TBC1D30: variants seen among roughly 807,000 people sequenced by gnomAD.
TBC1D30 encodes TBC1 domain family, member 30.
TBC1D30 carries 31 observed loss-of-function variants against 63.2 expected under a neutral mutation model. The ratio of observed to expected loss-of-function variants is 0.49; its 90% CI spans 0.37 to 0.66. The LOEUF is 0.66. Ranked by LOEUF, TBC1D30 falls within the 30% of genes least tolerant of loss-of-function variation. The pLI, the probability that TBC1D30 is intolerant of heterozygous loss-of-function variation, is 0.00. For missense variants in TBC1D30, 810 were observed against 953.6 expected, an observed-to-expected ratio of 0.85 and a Z score of 1.98; for synonymous variants, 307 against 361.5, an observed-to-expected ratio of 0.85 and a Z score of 1.71.
At chr12:64,865,465 T>C (rs1013334342) in intron 9 of TBC1D30, among the ~76,000 whole-genome samples, 2 of 151,976 alleles carry the variant, frequency 1.3e-5, no homozygotes, top group African/African-American at 4.8e-5. Flanking sequence ...CCTCTATAAG[T>C]AGACTCAAAA....
In TBC1D30 at chr12:64,875,502, C is replaced by A; in HGVS notation, c.2000C>A (p.Ala667Glu). Reference sequence around the variant, plus strand: ...CTGGAACTGAACCAGAGGGATGCTGCAGCTGAAACTGAGCTCAGGGTGCAC... The same window carrying A: ...CTGGAACTGAACCAGAGGGATGCTGAAGCTGAAACTGAGCTCAGGGTGCAC... ...GALELNQRDA[A>E]AETELRVHPP... Residue 667 changes from alanine (A) to glutamate (E), a missense_variant, in exon 12 of 12, where the codon GCA becomes GAA. Ala to Glu is a moderately radical substitution (Grantham distance 107). Around this residue, in one of 4 missense-constraint regions of TBC1D30, gnomAD observed 450 missense variants for 473.0 expected, o/e 0.95. Transcript: ENST00000539867. 1 of 1,536,160 alleles carries A rather than the reference C, an allele frequency of 6.5e-7. No individual in the cohort carries two copies. The highest frequency in any genetic ancestry group is 1.2e-5 in the South Asian group (1 of 84,062).
chr12:64,800,726 G>GT (rs1362377782), intron 2 of TBC1D30, among the ~76,000 whole-genome samples: 1 of 152,160 alleles, frequency 6.6e-6, no homozygotes, highest in Non-Finnish European at 1.5e-5. Flanking sequence ...GGAAGATGCT[G>GT]TGGGAGGCTA....
At chr12:64,805,415 G>T (rs1872803826) in intron 2 of TBC1D30, among the ~76,000 whole-genome samples, 1 of 152,208 alleles carries the variant, frequency 6.6e-6, no homozygotes. Flanking sequence ...TTTGTGAACA[G>T]TATTGGGCTG....
At position 64,875,163 on chromosome 12, in the gene TBC1D30, A is replaced by T; in HGVS notation, c.1661A>T (p.Tyr554Phe). ...HTGGKISPVPYEDLKTKLNSP... is the reference protein window; with the variant it reads ...HTGGKISPVPFEDLKTKLNSP... Reference sequence around the variant, plus strand: ...GGAGGGAAAATATCTCCTGTCCCCTACGAAGACCTTAAGACGAAGCTCAAC... The same window carrying T: ...GGAGGGAAAATATCTCCTGTCCCCTTCGAAGACCTTAAGACGAAGCTCAAC... Residue 554 changes from tyrosine to phenylalanine, a missense_variant, in exon 12 of 12, where the codon TAC (tyrosine) becomes TTC (phenylalanine). This residue lies in a region of TBC1D30 where 450 missense variants were observed against 473.0 expected (regional missense o/e 0.95). Coordinates refer to ENST00000539867, the MANE Select transcript of TBC1D30 (RefSeq NM_015279.2). 6.5e-7 allele frequency: 1 copy of T among 1,536,388 alleles called. No homozygotes were observed. Among genetic ancestry groups the T allele is most frequent in the Non-Finnish European group, 8.7e-7 (1 of 1,146,928 alleles).
chr12:64,788,414 T>C (rs553663667), intron 2 of TBC1D30, among the ~76,000 whole-genome samples: 1 of 152,298 alleles, frequency 6.6e-6, no homozygotes, highest in South Asian at 2.1e-4. Flanking sequence ...TACCAGCAGC[T>C]GAAAGCACAG....
rs542361292 is a variant in TBC1D30, at chr12:64,760,736, TA to T, written c.-376+1098del. ...AAAACTATTCCAGAACTTAAAGTAT[TA>T]AAAAAAAAAACTCGTGAAAACACTA... On this transcript the variant is annotated intron_variant, in intron 1 of 13. Transcript: ENST00000674237. Among the ~76,000 whole-genome samples, 610 of 139,158 alleles carry T rather than the reference TA, an allele frequency of 4.4e-3. 4 individuals are homozygous for T. The highest frequency in any genetic ancestry group is 0.015 in the African/African-American group (579 of 38,664). The allele number at this position is 139,158 out of a possible 152,430, so 91.3% of individuals were successfully genotyped here. A position where few individuals can be genotyped will look rare whatever the true frequency, so the allele number is the denominator to read the frequency against.
At chr12:64,764,184 A>G (rs1870622706) in intron 1 of TBC1D30, among the ~76,000 whole-genome samples, 1 of 152,206 alleles carries the variant, frequency 6.6e-6, no homozygotes, top group East Asian at 1.9e-4. Context: ...AATAGAATAC[A>G]TAATAGTATT....
At chr12:64,804,532 A>G (rs1872754726) in intron 2 of TBC1D30, among the ~76,000 whole-genome samples, 1 of 152,156 alleles carries the variant, frequency 6.6e-6, no homozygotes, top group Non-Finnish European at 1.5e-5. Flanking sequence ...TATGTTGAAT[A>G]GGAGTGGTGA....
At chr12:64,775,518 T>C (rs182288421), upstream of TBC1D30, among the ~76,000 whole-genome samples, 28 of 151,962 alleles carry the variant, frequency 1.8e-4, no homozygotes, top group Non-Finnish European at 5.9e-5. Context: ...CCAACAAAGA[T>C]AAAAAAAGAC....
chr12:64,821,224 A>G (rs1400462634), upstream of TBC1D30, among the ~76,000 whole-genome samples: 1 of 152,234 alleles, frequency 6.6e-6, no homozygotes, highest in East Asian at 1.9e-4. Context: ...ATTGACTGCT[A>G]TTAACTGGTC....
intron 1 of TBC1D30, among the ~76,000 whole-genome samples, chr12:64,785,513 G>T (rs1871519076): frequency 6.6e-6 from 1 of 151,418 alleles, no homozygotes; most frequent in African/African-American, 2.4e-5. Context: ...GACTAAAAAA[G>T]ATTCTTTTCT....
intron 3 of TBC1D30, 150 bp from the exon 4 acceptor site, chr12:64,830,227 T>G: frequency 2.7e-5 from 18 of 675,150 alleles, no homozygotes; most frequent in African/African-American, 3.6e-5. Flanking sequence ...AACATTTCAG[T>G]GAGACTCTTG....
intron 5 of TBC1D30, among the ~76,000 whole-genome samples, chr12:64,834,707 C>CTTTTT (rs11374555): frequency 7.9e-4 from 60 of 76,334 alleles, no homozygotes; most frequent in Non-Finnish European, 9.2e-4. Context: ...CCGTGCCGGG[C>CTTTTT]TTTTTTTTTT....
intron 6 of TBC1D30, among the ~76,000 whole-genome samples, chr12:64,838,167 A>G (rs1429598017): frequency 2.0e-5 from 3 of 152,130 alleles, no homozygotes; most frequent in South Asian, 2.1e-4. Context: ...TTTATTCTCT[A>G]TTTTGGGATT....
At chr12:64,834,307 T>A (rs1279783073) in intron 5 of TBC1D30, among the ~76,000 whole-genome samples, 1 of 152,186 alleles carries the variant, frequency 6.6e-6, no homozygotes, top group Non-Finnish European at 1.5e-5. Context: ...AGGTGAACCA[T>A]TTTTCCTGCT....
chr12:64,875,493 G>C lies in TBC1D30; in HGVS notation c.1991G>C (p.Arg664Thr), dbSNP rs1878991392. 5 of 1,536,086 alleles carry C rather than the reference G, an allele frequency of 3.3e-6. No individual in the cohort carries two copies. The highest frequency in any genetic ancestry group is 4.4e-6 in the Non-Finnish European group (5 of 1,146,948). The change falls in exon 12 of 12, where the codon AGG becomes ACG. Residue 664 changes from arginine to threonine, a missense_variant. This residue lies in a region of TBC1D30 where 450 missense variants were observed against 473.0 expected (regional missense o/e 0.95). Transcript: ENST00000539867. ...TTGGGAGCCCTGGAACTGAACCAGA[G>C]GGATGCTGCAGCTGAAACTGAGCTC... Reference protein sequence around the residue: ...AKLGALELNQRDAAAETELRV... With the variant: ...AKLGALELNQTDAAAETELRV...
chr12:64,774,359 A>C (rs1054916739), intron 1 of TBC1D30, among the ~76,000 whole-genome samples: 5 of 152,226 alleles, frequency 3.3e-5, no homozygotes, highest in Non-Finnish European at 5.9e-5. Flanking sequence ...CCAATTTGGA[A>C]AACACATTTC....
chr12:64,881,023 T>TA lies in TBC1D30; in HGVS notation c.*5244dup, dbSNP rs201938460. The TA allele has an allele frequency of 2.6e-3, 387 of 150,766 alleles. 4 individuals carry two copies. The highest frequency in any genetic ancestry group is 0.017 in the East Asian group (88 of 5,154). 9.3% of individuals were successfully genotyped at this position (150,766 alleles called of 1,614,324 possible). ...TTAAAACATGAAACAAAGCAAAAAA[T>TA]AAAAAAAAACCTCCTTAGTAATTGT... is the stretch of plus-strand genomic sequence containing the variant. On this transcript the variant is annotated 3_prime_UTR_variant, in exon 12 of 12. Coordinates refer to ENST00000539867, the MANE Select transcript of TBC1D30 (RefSeq NM_015279.2).
At chr12:64,798,439 C>T (rs964535488) in intron 2 of TBC1D30, among the ~76,000 whole-genome samples, 7 of 152,146 alleles carry the variant, frequency 4.6e-5, no homozygotes, top group Admixed American at 3.3e-4. Flanking sequence ...ATGAGTCTTA[C>T]ACTGTTTCAG....
Sources: gnomAD v4.1 joint callset for allele counts (sites outside exome capture counted in the v4.1 genomes callset) on GRCh38, gnomAD v4.1.1 for gene constraint, gnomAD v4.1.1 regional missense constraint, MANE v1.5 for transcripts, NCBI Gene and HGNC (gene_info 2026-07-23, HGNC 2026-07-21) for gene names.